The following TBL1XR1 variants were observed in gnomAD, a reference collection of about 807,000 sequenced individuals.
TBL1XR1 encodes TBL1X/Y related 1, also known as F-box-like/WD repeat-containing protein TBL1XR1.
A neutral mutation model predicts 66.9 loss-of-function variants in TBL1XR1; 5 were observed. That is an observed-to-expected ratio of 0.07 (90% CI 0.04 to 0.16). The LOEUF (loss-of-function observed/expected upper bound fraction) is 0.16. TBL1XR1 is among the 10% of genes least tolerant of loss of function. The pLI is 1.00. For missense variants in TBL1XR1, 238 were observed against 623.2 expected, an observed-to-expected ratio of 0.38 and a Z score of 6.58; for synonymous variants, 210 against 206.0, an observed-to-expected ratio of 1.02 and a Z score of -0.17.
At chr3:177,091,599 T>C (rs185775530) in intron 2 of TBL1XR1, among the ~76,000 whole-genome samples, 9 of 152,262 alleles carry the variant, frequency 5.9e-5, no homozygotes, top group Admixed American at 5.9e-4. Flanking sequence ...GAAGTCAACT[T>C]GAAAAGGCTC....
At chr3:177,127,202 G>A (rs1422774272) in intron 1 of TBL1XR1, among the ~76,000 whole-genome samples, 1 of 152,118 alleles carries the variant, frequency 6.6e-6, no homozygotes, top group Non-Finnish European at 1.5e-5. Flanking sequence ...CCTACATACA[G>A]AAGCTCAACT....
At chr3:177,168,047 A>C (rs1295040503) in intron 1 of TBL1XR1, among the ~76,000 whole-genome samples, 3 of 152,208 alleles carry the variant, frequency 2.0e-5, no homozygotes, top group African/African-American at 4.8e-5. Context: ...ACAACCAAAA[A>C]CTTTCAGCAT....
chr3:177,047,858 A>G (rs1417229669), intron 7 of TBL1XR1: 2 of 301,430 alleles, frequency 6.6e-6, no homozygotes, highest in Non-Finnish European at 1.2e-5. Flanking sequence ...ACAACTAAGA[A>G]TGAAGGTAGA....
chr3:177,113,004 A>AACACAC lies in TBL1XR1; in HGVS notation c.-121-14469_-121-14464dup, dbSNP rs139383418. 7.2e-4 allele frequency among the ~76,000 whole-genome samples: 108 copies of AACACAC among 149,838 alleles called. 1 individual carries two copies. The highest frequency in any genetic ancestry group is 2.0e-3 in the African/African-American group (81 of 40,770). On this transcript the variant is annotated intron_variant, in intron 1 of 15. Coordinates refer to ENST00000457928, the MANE Select transcript of TBL1XR1 (RefSeq NM_024665.7). Reference sequence around the variant, plus strand: ...CTCCGATGAAGCAAGACTGTCTCAAAACACACACACACACACACACGGAAT... The same window carrying AACACAC: ...CTCCGATGAAGCAAGACTGTCTCAAAACACACACACACACACACACACACACGGAAT...
intron 1 of TBL1XR1, among the ~76,000 whole-genome samples, chr3:177,137,506 G>T (rs958995859): frequency 6.6e-6 from 1 of 152,052 alleles, no homozygotes; most frequent in Non-Finnish European, 1.5e-5. Context: ...ATAAATACAT[G>T]AATTAGTTAA....
At chr3:177,049,871 G>C in intron 7 of TBL1XR1, 126 bp downstream of exon 7, 1 of 1,029,190 alleles carries the variant, frequency 9.7e-7, no homozygotes, top group Non-Finnish European at 1.4e-6. Flanking sequence ...GACGACTCCC[G>C]GTTTGTTGTT....
chr3:177,131,409 G>T, intron 1 of TBL1XR1: 8 of 984,718 alleles, frequency 8.1e-6, no homozygotes, highest in Non-Finnish European at 9.6e-6. Context: ...GCTCAATACT[G>T]CATAAAGTGC....
intron 7 of TBL1XR1, among the ~76,000 whole-genome samples, chr3:177,049,785 C>T (rs566659390): frequency 1.3e-5 from 2 of 152,284 alleles, no homozygotes; most frequent in South Asian, 4.1e-4. Flanking sequence ...GTGGGATACA[C>T]TGAAGAGCTG....
intron 2 of TBL1XR1, among the ~76,000 whole-genome samples, chr3:177,071,326 AG>A (rs1179868413): frequency 5.9e-5 from 9 of 152,178 alleles, no homozygotes; most frequent in Non-Finnish European, 1.2e-4. Flanking sequence ...CAAATATTAT[AG>A]GAAGAACAAA....
chr3:177,054,014 A>C, intron 3 of TBL1XR1, 96 bp from the exon 4 acceptor site: 3 of 1,298,284 alleles, frequency 2.3e-6, no homozygotes, highest in Non-Finnish European at 3.2e-6. Context: ...TTCAAATCCC[A>C]TCCTACCCAT....
rs1405617387 is a variant in TBL1XR1, at chr3:177,049,868, C to G, written c.702+129G>C. ...GGGAGAGGGCTGGCAGGGGACGACT[C>G]CCGGTTTGTTGTTACTAGTTAATAA... On this transcript the variant is annotated intron_variant, in intron 7 of 15. Coordinates refer to ENST00000457928, the MANE Select transcript of TBL1XR1 (RefSeq NM_024665.7). The G allele has an allele frequency of 5.9e-5, 60 of 1,022,504 alleles. 1 individual carries two copies. Among genetic ancestry groups the G allele is most frequent in the Non-Finnish European group, 3.1e-5 (22 of 718,478 alleles). The allele number at this position is 1,022,504 out of a possible 1,614,324, so 63.3% of individuals were successfully genotyped here.
chr3:177,151,542 C>T (rs1033418830), intron 1 of TBL1XR1, among the ~76,000 whole-genome samples: 2 of 152,124 alleles, frequency 1.3e-5, no homozygotes, highest in Admixed American at 6.6e-5. Context: ...TGAAACCACC[C>T]GCCTACCCTC....
At position 177,098,533 on chromosome 3, in the gene TBL1XR1, T is replaced by C. The variant is rs946169228; in HGVS notation, c.-113A>G. 3 of 985,772 alleles carry C rather than the reference T, an allele frequency of 3.0e-6. No individual in the cohort carries two copies. The highest frequency in any genetic ancestry group is 2.4e-6 in the Non-Finnish European group (2 of 829,940). 61.1% of individuals were successfully genotyped at this position (985,772 alleles called of 1,614,324 possible). A position where few individuals can be genotyped will look rare whatever the true frequency, so the allele number is the denominator to read the frequency against. On this transcript the variant is annotated 5_prime_UTR_variant, in exon 2 of 16. Coordinates refer to ENST00000457928, the MANE Select transcript of TBL1XR1 (RefSeq NM_024665.7). The stretch of plus-strand genomic sequence containing the variant: ...GGTCACCGCCAATCACAAGTTGCTG[T>C]TGTTGATGCTGAGGAAAAGGAAAGT...
chr3:177,055,165 C>A (rs1479109198), intron 3 of TBL1XR1, among the ~76,000 whole-genome samples: 6 of 151,990 alleles, frequency 3.9e-5, no homozygotes, highest in African/African-American at 1.4e-4. Flanking sequence ...GCCTGTCTAG[C>A]CTAGTTTTTT....
intron 1 of TBL1XR1, among the ~76,000 whole-genome samples, chr3:177,191,679 C>T (rs764780234): frequency 5.3e-5 from 8 of 152,022 alleles, no homozygotes; most frequent in Non-Finnish European, 8.8e-5. Context: ...TCTGATAATA[C>T]GGAAAAGAAT....
intron 2 of TBL1XR1, among the ~76,000 whole-genome samples, chr3:177,067,997 A>G (rs1327814928): frequency 1.3e-5 from 2 of 152,208 alleles, no homozygotes; most frequent in Non-Finnish European, 2.9e-5. Context: ...TTTTAGAACA[A>G]CTGTCTTTAA....
chr3:177,119,884 G>T (rs1352806698), intron 1 of TBL1XR1, among the ~76,000 whole-genome samples: 1 of 152,110 alleles, frequency 6.6e-6, no homozygotes, highest in Non-Finnish European at 1.5e-5. Context: ...ACTGCCCTTG[G>T]TATTAGTTAC....
chr3:177,087,464 AAAAC>A (rs1722287077), intron 2 of TBL1XR1, among the ~76,000 whole-genome samples: 1 of 152,154 alleles, frequency 6.6e-6, no homozygotes, highest in Non-Finnish European at 1.5e-5. Flanking sequence ...TTTTGTTTTA[AAAAC>A]TCTCCTTACA....
chr3:177,130,006 G>T (rs147658751), intron 1 of TBL1XR1, among the ~76,000 whole-genome samples: 5 of 152,050 alleles, frequency 3.3e-5, no homozygotes, highest in African/African-American at 7.2e-5. Flanking sequence ...TTAGCTGGGC[G>T]TAGTGGCGTG....
Sources: gnomAD v4.1 joint callset for allele counts (sites outside exome capture counted in the v4.1 genomes callset) on GRCh38, gnomAD v4.1.1 for gene constraint, MANE v1.5 for transcripts, NCBI Gene and HGNC (gene_info 2026-07-23, HGNC 2026-07-21) for gene names.